The following WDR45B variants were observed in gnomAD, a reference collection of about 807,000 sequenced individuals.
WDR45B encodes the protein WD repeat domain 45B.
WDR45B carries 20 observed loss-of-function variants against 44.6 expected under a neutral mutation model. The ratio of observed to expected loss-of-function variants is 0.45; its 90% CI spans 0.32 to 0.65. WDR45B has a LOEUF of 0.65. WDR45B is among the 30% of genes least tolerant of loss of function. The pLI, the probability that WDR45B is intolerant of heterozygous loss-of-function variation, is 0.05. For synonymous variants in WDR45B, 169 were observed against 164.9 expected, an observed-to-expected ratio of 1.02 and a Z score of -0.19; for missense variants, 323 against 430.2, an observed-to-expected ratio of 0.75 and a Z score of 2.20.
intron 9 of WDR45B, 25 bp downstream of exon 9, chr17:82,616,499 G>T: frequency 1.9e-6 from 3 of 1,613,206 alleles, no homozygotes; most frequent in Non-Finnish European, 2.5e-6. Flanking sequence ...GGGTGGGGAC[G>T]TTCTCTCCAG....
At chr17:82,617,512 G>T in intron 7 of WDR45B, 115 bp from the exon 8 acceptor site, 3 of 1,023,064 alleles carry the variant, frequency 2.9e-6, no homozygotes, top group South Asian at 1.4e-5. Context: ...CTCTGGAGGT[G>T]CCAATTCTGA....
chr17:82,617,448 CAG>C, intron 7 of WDR45B, 51 bp from the exon 8 acceptor site: 1 of 1,579,766 alleles, frequency 6.3e-7, no homozygotes, highest in Non-Finnish European at 8.7e-7. Flanking sequence ...TGGAGGAGTC[CAG>C]AGACTTAACC....
chr17:82,644,408 G>A (rs1228086149), intron 1 of WDR45B: 4 of 313,010 alleles, frequency 1.3e-5, no homozygotes. Flanking sequence ...GCAGGGTGCT[G>A]GGGAGACAAG....
intron 8 of WDR45B, among the ~76,000 whole-genome samples, chr17:82,616,958 C>T (rs1338944025): frequency 6.6e-6 from 1 of 152,146 alleles, no homozygotes. Flanking sequence ...GCTGGGACTA[C>T]AGGCACCCGC....
At chr17:82,623,424 G>C (rs1319905264) in intron 5 of WDR45B, among the ~76,000 whole-genome samples, 1 of 148,900 alleles carries the variant, frequency 6.7e-6, no homozygotes, top group African/African-American at 2.5e-5. Flanking sequence ...AAATGGGGCT[G>C]GGCGCGGTGG....
At chr17:82,640,969 G>GTTGTT (rs1555651145) in intron 2 of WDR45B, among the ~76,000 whole-genome samples, 1 of 131,858 alleles carries the variant, frequency 7.6e-6, no homozygotes, top group Non-Finnish European at 1.6e-5. Context: ...TCTTGTCTGG[G>GTTGTT]TTTTTTTTTT....
chr17:82,630,839 C>A, intron 3 of WDR45B, 82 bp downstream of exon 3: 1 of 1,337,964 alleles, frequency 7.5e-7, no homozygotes, highest in Non-Finnish European at 1.1e-6. Context: ...GAAAATCACA[C>A]ATGGCCACAA....
rs770802085 is a variant in WDR45B at position 82,630,888 on chromosome 17, G to A, written c.244+33C>T. The A allele has an allele frequency of 2.3e-5, 37 of 1,586,972 alleles. No individual in the cohort carries two copies. In the Middle Eastern group the frequency reaches 9.0e-4, roughly 39 times the overall value. Reference sequence around the variant, plus strand: ...CAAAAAAAGACTGGGTGGGACACGTGAGGCATGATTCTTCAATACACAATT... The same window carrying A: ...CAAAAAAAGACTGGGTGGGACACGTAAGGCATGATTCTTCAATACACAATT... On this transcript the variant is annotated intron_variant, in intron 3 of 9. Transcript: ENST00000392325.
intron 2 of WDR45B, among the ~76,000 whole-genome samples, chr17:82,639,529 G>C (rs974729753): frequency 1.3e-5 from 2 of 152,000 alleles, no homozygotes; most frequent in East Asian, 1.9e-4. Context: ...CCCACCCGCA[G>C]GAACCACCTG....
At position 82,635,426 on chromosome 17, in the gene WDR45B, GTTT is replaced by G. The variant is rs35735710; in HGVS notation, c.143-4407_143-4405del. Among the ~76,000 whole-genome samples, 1,191 of 135,634 alleles carry G rather than the reference GTTT, an allele frequency of 8.8e-3. 14 individuals are homozygous for G. Among genetic ancestry groups the G allele is most frequent in the Non-Finnish European group, 0.011 (733 of 63,840 alleles). The allele number at this position is 135,634 out of a possible 152,430, so 89.0% of individuals were successfully genotyped here. A position where few individuals can be genotyped will look rare whatever the true frequency, so the allele number is the denominator to read the frequency against. ...TTGATTATATCATAAGTCTTTTCAG[GTTT>G]TTTTTTTTTTTTTGAGATGGAGTTT... On this transcript the variant is annotated intron_variant, in intron 2 of 9. Transcript: ENST00000392325.
rs2045989003 is a variant in WDR45B at position 82,647,176 on chromosome 17, T to C, written c.67+1098A>G. Among the ~76,000 whole-genome samples the C allele has an allele frequency of 2.0e-5, 3 of 151,766 alleles. No homozygotes were observed. In the South Asian group the frequency reaches 6.2e-4, roughly 32 times the overall value. On this transcript the variant is annotated intron_variant, in intron 1 of 9. Transcript: ENST00000392325. ...CCCGGGAGGAGGAGGTTGCAGTGAGTCGAGATCGCACCAGGCTGGGCGACA... is the reference window on the plus strand; with the variant it reads ...CCCGGGAGGAGGAGGTTGCAGTGAGCCGAGATCGCACCAGGCTGGGCGACA...
chr17:82,639,486 C>T (rs12940376), intron 2 of WDR45B, among the ~76,000 whole-genome samples: 31,061 of 151,986 alleles, frequency 0.2, 3,556 homozygotes, highest in Middle Eastern at 0.29. Flanking sequence ...TTTCCACCTC[C>T]TTCCCAAAGC....
At chr17:82,616,084 G>A (rs1598255644) in intron 9 of WDR45B, 59 bp from the exon 10 acceptor site, 3 of 1,468,718 alleles carry the variant, frequency 2.0e-6, no homozygotes, top group African/African-American at 1.4e-5. Flanking sequence ...TAAAAGCAAC[G>A]AGTCCCACTG....
rs553794418 is a variant in WDR45B at position 82,616,425 on chromosome 17, C to T, written c.928+99G>A. On this transcript the variant is annotated intron_variant, in intron 9 of 9. Coordinates refer to ENST00000392325, the MANE Select transcript of WDR45B (RefSeq NM_019613.4). Reference sequence around the variant, plus strand: ...AACTGGGCGGCCATCGGTGCCACAGCGCGGTGCTGGGACGTCCATGGGAAG... The same window carrying T: ...AACTGGGCGGCCATCGGTGCCACAGTGCGGTGCTGGGACGTCCATGGGAAG... The T allele has an allele frequency of 4.9e-5, 78 of 1,591,192 alleles. No individual in the cohort carries two copies. In the African/African-American group the frequency reaches 8.1e-4, roughly 16 times the overall value.
intron 2 of WDR45B, among the ~76,000 whole-genome samples, chr17:82,638,910 C>T (rs2045873544): frequency 2.0e-5 from 3 of 151,942 alleles, no homozygotes; most frequent in African/African-American, 7.3e-5. Context: ...GTAACCTCCG[C>T]CTCCTGGGTT....
intron 1 of WDR45B, among the ~76,000 whole-genome samples, chr17:82,647,427 G>A: frequency 6.6e-6 from 1 of 152,160 alleles, no homozygotes; most frequent in East Asian, 1.9e-4. Context: ...GCAACCATCC[G>A]AATCCAGGTC....
At chr17:82,635,211 T>C (rs4789814) in intron 2 of WDR45B, among the ~76,000 whole-genome samples, 93,704 of 151,504 alleles carry the variant, frequency 0.62, 30,194 homozygotes, top group African/African-American at 0.8. Flanking sequence ...AAGACCTTCT[T>C]TGCCCCAGGT....
Position 82,614,634 on chromosome 17 carries a change from AAAC to A in WDR45B, c.*1282_*1284del, listed in dbSNP as rs779082006. 1.3e-5 allele frequency: 2 copies of A among 152,710 alleles called. No individual in the cohort carries two copies. Among genetic ancestry groups the A allele is most frequent in the African/African-American group, 4.8e-5 (2 of 41,480 alleles). 9.5% of individuals were successfully genotyped at this position (152,710 alleles called of 1,614,324 possible). A position where few individuals can be genotyped will look rare whatever the true frequency, so the allele number is the denominator to read the frequency against. Reference sequence around the variant, plus strand: ...ACATTACAAATAAGTGTGCAAAATTAAACATCATGATTAAATACACATGAAAGG... The same window carrying A: ...ACATTACAAATAAGTGTGCAAAATTAATCATGATTAAATACACATGAAAGG... On this transcript the variant is annotated 3_prime_UTR_variant, in exon 10 of 10. Transcript: ENST00000392325.
At chr17:82,625,077 T>G (rs578249699) in intron 5 of WDR45B, among the ~76,000 whole-genome samples, 1 of 152,300 alleles carries the variant, frequency 6.6e-6, no homozygotes, top group South Asian at 2.1e-4. Flanking sequence ...AGGAAAGGCT[T>G]GAGTCCAGAA....
Sources: gnomAD v4.1 joint callset for allele counts (sites outside exome capture counted in the v4.1 genomes callset) on GRCh38, gnomAD v4.1.1 for gene constraint, MANE v1.5 for transcripts, NCBI Gene and HGNC (gene_info 2026-07-23, HGNC 2026-07-21) for gene names.